The following CTNNA2 variants were observed in gnomAD, a reference collection of about 807,000 sequenced individuals.
CTNNA2 encodes catenin alpha-2.
A neutral mutation model predicts 101.0 loss-of-function variants in CTNNA2; 42 were observed. That is an observed-to-expected ratio of 0.42 (90% CI 0.32 to 0.54). CTNNA2 has a LOEUF of 0.54. Ranked by LOEUF, CTNNA2 falls within the 20% of genes least tolerant of loss-of-function variation. The pLI, the probability that CTNNA2 is intolerant of heterozygous loss-of-function variation, is 0.14. For synonymous variants in CTNNA2, 450 were observed against 456.4 expected, an observed-to-expected ratio of 0.99 and a Z score of 0.18; for missense variants, 871 against 1,223.1, an observed-to-expected ratio of 0.71 and a Z score of 4.29.
intron 9 of CTNNA2, among the ~76,000 whole-genome samples, chr2:80,429,612 A>T (rs983228906): frequency 1.3e-5 from 2 of 152,218 alleles, no homozygotes; most frequent in African/African-American, 2.4e-5. Flanking sequence ...ATTAAATTTC[A>T]TATCTCTGAA....
chr2:79,935,352 C>T (rs80097748), intron 7 of CTNNA2, among the ~76,000 whole-genome samples: 1 of 144,678 alleles, frequency 6.9e-6, no homozygotes. Flanking sequence ...CTCTCTCTCT[C>T]TTTTTTTTTT....
At position 79,709,409 on chromosome 2, in the gene CTNNA2, T is replaced by C. The variant is rs146151645; in HGVS notation, c.103-34978T>C. On this transcript the variant is annotated intron_variant, in intron 2 of 18. Coordinates refer to ENST00000402739, the MANE Select transcript of CTNNA2 (RefSeq NM_001282597.3). ...ATGAAAGATATACCAGGGACTCAGG[T>C]CAATGGGAAAGTCATTGCACTCTTC... Among the ~76,000 whole-genome samples the C allele has an allele frequency of 4.5e-3, 678 of 152,216 alleles. 7 individuals carry two copies. Among genetic ancestry groups the C allele is most frequent in the African/African-American group, 0.016 (648 of 41,534 alleles).
At chr2:79,818,115 G>A (rs1677678019) in intron 3 of CTNNA2, among the ~76,000 whole-genome samples, 1 of 152,004 alleles carries the variant, frequency 6.6e-6, no homozygotes, top group East Asian at 1.9e-4. Flanking sequence ...TTAAGTAATG[G>A]CTGTGATTAT....
intron 9 of CTNNA2, among the ~76,000 whole-genome samples, chr2:80,485,172 C>T (rs1004546212): frequency 2.6e-5 from 4 of 152,204 alleles, no homozygotes; most frequent in African/African-American, 7.2e-5. Flanking sequence ...AAATTCTACT[C>T]TTATTTTCAT....
At chr2:80,529,057 T>C (rs965249190) in intron 9 of CTNNA2, among the ~76,000 whole-genome samples, 1 of 152,192 alleles carries the variant, frequency 6.6e-6, no homozygotes, top group African/African-American at 2.4e-5. Context: ...CCTTGATCAG[T>C]GGCAAAGATT....
chr2:79,294,233 G>C (rs981649228), intron 2 of CTNNA2, among the ~76,000 whole-genome samples: 14 of 151,030 alleles, frequency 9.3e-5, no homozygotes, highest in African/African-American at 3.4e-4. Flanking sequence ...AGAAGAAGAA[G>C]AAGAAGAGGA....
chr2:79,633,048 G>C (rs988931855), intron 1 of CTNNA2, among the ~76,000 whole-genome samples: 23 of 152,166 alleles, frequency 1.5e-4, no homozygotes, highest in African/African-American at 4.6e-4. Flanking sequence ...AGTACCACAA[G>C]TCCATCAGTC....
chr2:80,605,142 A>G (rs1248661179), intron 16 of CTNNA2: 1 of 152,032 alleles, frequency 6.6e-6, no homozygotes, highest in Non-Finnish European at 1.5e-5. Flanking sequence ...ACTAGGATAT[A>G]CATTAAAAGA....
chr2:79,549,861 T>C (rs1228011587), intron 1 of CTNNA2, among the ~76,000 whole-genome samples: 2 of 152,146 alleles, frequency 1.3e-5, no homozygotes, highest in African/African-American at 4.8e-5. Flanking sequence ...TTGAAAGAAC[T>C]AGGAGGAGGG....
chr2:79,379,990 T>C (rs2104462227), intron 4 of CTNNA2, among the ~76,000 whole-genome samples: 1 of 152,288 alleles, frequency 6.6e-6, no homozygotes, highest in African/African-American at 2.4e-5. Context: ...CCATAGTCTC[T>C]TATGTCCACA....
chr2:79,687,563 G>A (rs75100314), intron 2 of CTNNA2: 9,515 of 704,286 alleles, frequency 0.014, 347 homozygotes, highest in East Asian at 0.1. Flanking sequence ...TTGCCTTGCA[G>A]TGCATTTTTT....
At chr2:80,015,376 A>G (rs1694067517) in intron 7 of CTNNA2, among the ~76,000 whole-genome samples, 1 of 152,204 alleles carries the variant, frequency 6.6e-6, no homozygotes, top group Non-Finnish European at 1.5e-5. Flanking sequence ...GACAATAAGC[A>G]GGGCTCGTTC....
Position 79,229,247 on chromosome 2 carries a change from T to C in CTNNA2, c.-406+31171T>C, listed in dbSNP as rs143386976. Among the ~76,000 whole-genome samples the C allele has an allele frequency of 3.7e-3, 563 of 152,300 alleles. 7 individuals are homozygous for C. Among genetic ancestry groups the C allele is most frequent in the African/African-American group, 0.013 (526 of 41,574 alleles). On this transcript the variant is annotated intron_variant, in intron 2 of 21. Coordinates refer to the CTNNA2 transcript ENST00000466387. ...ATGGCTTTAGCTATTTAGGCTGATA[T>C]GGTTTGGCTGTGACCCCACCCAGAT...
intron 9 of CTNNA2, among the ~76,000 whole-genome samples, chr2:80,422,910 T>A (rs890602155): frequency 2.0e-5 from 3 of 152,178 alleles, no homozygotes; most frequent in Non-Finnish European, 2.9e-5. Context: ...TTAATTTTTT[T>A]AAATTTCTTT....
intron 7 of CTNNA2, among the ~76,000 whole-genome samples, chr2:80,074,665 G>T (rs912451304): frequency 6.6e-6 from 1 of 152,160 alleles, no homozygotes; most frequent in Non-Finnish European, 1.5e-5. Flanking sequence ...GACCATTTGT[G>T]TATTAGACGC....
chr2:79,638,123 C>T (rs2116024), intron 1 of CTNNA2, among the ~76,000 whole-genome samples: 59,117 of 152,028 alleles, frequency 0.39, 13,699 homozygotes, highest in East Asian at 0.71. Context: ...TAATAAACTT[C>T]GGCCAATGAC....
intron 3 of CTNNA2, among the ~76,000 whole-genome samples, chr2:79,852,702 C>A (rs1237926118): frequency 6.6e-6 from 1 of 152,248 alleles, no homozygotes; most frequent in East Asian, 1.9e-4. Flanking sequence ...AGTGATTCTC[C>A]TGCCTCAGCC....
intron 7 of CTNNA2, among the ~76,000 whole-genome samples, chr2:80,267,327 A>G (rs540126493): frequency 2.6e-5 from 4 of 152,342 alleles, no homozygotes; most frequent in African/African-American, 9.6e-5. Flanking sequence ...CATGGTGGAA[A>G]GTAATAAGTA....
At chr2:80,203,064 T>G (rs1352534814) in intron 7 of CTNNA2, among the ~76,000 whole-genome samples, 2 of 152,274 alleles carry the variant, frequency 1.3e-5, no homozygotes, top group East Asian at 1.9e-4. Flanking sequence ...CTCACTATCA[T>G]GAGAACAGCA....
Sources: gnomAD v4.1 joint callset for allele counts (sites outside exome capture counted in the v4.1 genomes callset) on GRCh38, gnomAD v4.1.1 for gene constraint, MANE v1.5 for transcripts, NCBI Gene and HGNC (gene_info 2026-07-23, HGNC 2026-07-21) for gene names.